The following PLEKHH2 variants were observed in gnomAD, a reference collection of about 807,000 sequenced individuals.
The protein encoded by PLEKHH2 is pleckstrin homology, MyTH4 and FERM domain containing H2.
In PLEKHH2, 129 loss-of-function variants were observed where a neutral mutation model predicts 187.9. That is an observed-to-expected ratio of 0.69 (90% CI 0.59 to 0.79). The LOEUF is 0.79. PLEKHH2 is among the 30% of genes least tolerant of loss of function. The pLI is 0.00. For synonymous variants in PLEKHH2, 686 were observed against 605.6 expected (o/e 1.13, Z -1.95); for missense variants, 2,076 against 1,751.2 (o/e 1.19, Z -3.31).
At position 43,731,512 on chromosome 2, in the gene PLEKHH2, C is replaced by T. The variant is rs759864494; in HGVS notation, c.2853C>T (p.Pro951=). ...GEPSSQIWRH[P]TLCHSKEGII... ...TAGCCTCTCAGATATGGAGACACCC[C>T]ACTTTGTGTCACAGTAAAGAAGGAA... is the stretch of plus-strand genomic sequence containing the variant. Residue 951 remains proline, a synonymous_variant, in exon 19 of 30, where the codon CCC becomes CCT. Coordinates refer to ENST00000282406, the MANE Select transcript of PLEKHH2 (RefSeq NM_172069.4). 4 of 1,601,932 alleles carry T rather than the reference C, an allele frequency of 2.5e-6. No individual in the cohort carries two copies. The South Asian group carries it at 3.3e-5, about 13-fold the overall frequency.
At chr2:43,724,544 T>G (rs1670644130) in intron 16 of PLEKHH2, among the ~76,000 whole-genome samples, 1 of 152,158 alleles carries the variant, frequency 6.6e-6, no homozygotes, top group African/African-American at 2.4e-5. Flanking sequence ...TTAGATAAAA[T>G]TTAATATAAA....
At chr2:43,677,855 C>G (rs893468409) in intron 2 of PLEKHH2, among the ~76,000 whole-genome samples, 19 of 145,146 alleles carry the variant, frequency 1.3e-4, no homozygotes, top group African/African-American at 4.9e-4. Flanking sequence ...CCCTCCCGGA[C>G]GGGGCGGCTG....
At chr2:43,723,807 G>A (rs1670607636) in intron 16 of PLEKHH2, among the ~76,000 whole-genome samples, 1 of 152,202 alleles carries the variant, frequency 6.6e-6, no homozygotes, top group Non-Finnish European at 1.5e-5. Flanking sequence ...GCGGAACAGG[G>A]ACATGATCTT....
chr2:43,682,650 T>C (rs1475369187), intron 3 of PLEKHH2, among the ~76,000 whole-genome samples: 1 of 152,150 alleles, frequency 6.6e-6, no homozygotes, highest in Non-Finnish European at 1.5e-5. Flanking sequence ...TGTACAATCA[T>C]CACCTTTATC....
At chr2:43,693,720 T>G (rs1318621526) in intron 4 of PLEKHH2, among the ~76,000 whole-genome samples, 1 of 27,708 alleles carries the variant, frequency 3.6e-5, no homozygotes, top group Non-Finnish European at 6.9e-5. Context: ...CGAGACTCCA[T>G]CTCAAAAAAA....
At chr2:43,646,439 CTG>C (rs1412550768) in intron 2 of PLEKHH2, among the ~76,000 whole-genome samples, 1 of 152,198 alleles carries the variant, frequency 6.6e-6, no homozygotes, top group Non-Finnish European at 1.5e-5. Context: ...GCAGTTGACA[CTG>C]TTGACCACAG....
intron 3 of PLEKHH2, among the ~76,000 whole-genome samples, chr2:43,685,606 C>CTTTT (rs34341551): frequency 4.4e-5 from 6 of 135,684 alleles, no homozygotes; most frequent in Non-Finnish European, 4.7e-5. Flanking sequence ...GTTTTTTAAC[C>CTTTT]TTTTTTTTTT....
At chr2:43,751,207 C>T (rs55916250) in intron 24 of PLEKHH2, among the ~76,000 whole-genome samples, 2,751 of 152,266 alleles carry the variant, frequency 0.018, 65 homozygotes, top group South Asian at 0.046. Flanking sequence ...ATGAGTATGA[C>T]GCATACGTAC....
At position 43,753,664 on chromosome 2, in the gene PLEKHH2, G is replaced by T; in HGVS notation, c.3699G>T (p.Lys1233Asn). The T allele has an allele frequency of 1.3e-6, 2 of 1,573,920 alleles. No homozygotes were observed. Among genetic ancestry groups the T allele is most frequent in the East Asian group, 2.3e-5 (1 of 43,366 alleles). The part of the protein sequence containing the change: ...VQARGETDRE[K>N]LLLMYQTNDQ... ...CTCGTGGAGAGACTGATAGAGAAAA[G>T]TTGCTGTTAATGTATCAGACAAATG... is the stretch of plus-strand genomic sequence containing the variant. The change falls in exon 25 of 30, where the codon AAG becomes AAT. Residue 1233 changes from lysine to asparagine, a missense_variant. Physicochemically the swap from Lys to Asn is moderately conservative, Grantham distance 94. Coordinates refer to ENST00000282406, the MANE Select transcript of PLEKHH2 (RefSeq NM_172069.4).
chr2:43,728,606 G>A (rs1335888609), intron 17 of PLEKHH2, among the ~76,000 whole-genome samples: 1 of 147,618 alleles, frequency 6.8e-6, no homozygotes, highest in African/African-American at 2.5e-5. Context: ...CTGTTGCCCA[G>A]GCTGGAGTGC....
At chr2:43,702,549 T>TTTTTTTTC (rs869052107) in intron 8 of PLEKHH2, among the ~76,000 whole-genome samples, 2 of 145,248 alleles carry the variant, frequency 1.4e-5, no homozygotes, top group Non-Finnish European at 3.0e-5. Flanking sequence ...TTTTTTTTTT[T>TTTTTTTTC]CCATTCTGTC....
chr2:43,762,756 A>C (rs1268223500), intron 28 of PLEKHH2, among the ~76,000 whole-genome samples: 1 of 152,198 alleles, frequency 6.6e-6, no homozygotes, highest in African/African-American at 2.4e-5. Context: ...GTTTAAGTTC[A>C]CTTTCACTAA....
chr2:43,705,497 ATCC>A (rs956428812), intron 9 of PLEKHH2, among the ~76,000 whole-genome samples: 17 of 152,020 alleles, frequency 1.1e-4, no homozygotes, highest in African/African-American at 4.1e-4. Flanking sequence ...GCCTTAAGCA[ATCC>A]TCCTGCCTCA....
chr2:43,687,966 T>A (rs1319066133), intron 3 of PLEKHH2, among the ~76,000 whole-genome samples: 1 of 152,066 alleles, frequency 6.6e-6, no homozygotes, highest in Non-Finnish European at 1.5e-5. Context: ...TCAGCTAATA[T>A]TTTAGAATTT....
intron 11 of PLEKHH2, 71 bp downstream of exon 11, chr2:43,707,616 A>G (rs751581582): frequency 8.2e-5 from 127 of 1,544,454 alleles, no homozygotes; most frequent in Non-Finnish European, 1.1e-4. Context: ...TTTTATCTCC[A>G]TTACAGGATT....
intron 17 of PLEKHH2, among the ~76,000 whole-genome samples, chr2:43,727,579 C>T (rs1272265999): frequency 6.6e-6 from 1 of 152,060 alleles, no homozygotes; most frequent in Admixed American, 6.5e-5. Flanking sequence ...CTACTGTATC[C>T]TTAACATATA....
At chr2:43,694,548 C>CT in intron 5 of PLEKHH2, 34 bp downstream of exon 5, 1 of 1,487,532 alleles carries the variant, frequency 6.7e-7, no homozygotes, top group African/African-American at 1.4e-5. Flanking sequence ...TTTTCTTTAC[C>CT]TTTTACTTCT....
At position 43,759,048 on chromosome 2, in the gene PLEKHH2, G is replaced by A. The variant is rs75724384; in HGVS notation, c.4071+19G>A. 1,279 of 1,605,236 alleles carry A rather than the reference G, an allele frequency of 8.0e-4. 8 individuals carry two copies. The African/African-American group carries it at 0.015, about 19-fold the overall frequency. Reference sequence around the variant, plus strand: ...TGCAAAAGTAAGAAAGAATGGGAGAGAGATGCATAATGAAAACCTTTGTGT... The same window carrying A: ...TGCAAAAGTAAGAAAGAATGGGAGAAAGATGCATAATGAAAACCTTTGTGT... On this transcript the variant is annotated intron_variant, in intron 27 of 29. Coordinates refer to ENST00000282406, the MANE Select transcript of PLEKHH2 (RefSeq NM_172069.4).
chr2:43,690,236 A>T (rs1668727387), intron 3 of PLEKHH2, among the ~76,000 whole-genome samples: 1 of 152,214 alleles, frequency 6.6e-6, no homozygotes, highest in Admixed American at 6.5e-5. Flanking sequence ...CTTTGTCTTG[A>T]TACAGATCTT....
Sources: gnomAD v4.1 joint callset for allele counts (sites outside exome capture counted in the v4.1 genomes callset) on GRCh38, gnomAD v4.1.1 for gene constraint, MANE v1.5 for transcripts, NCBI Gene and HGNC (gene_info 2026-07-23, HGNC 2026-07-21) for gene names.